The following RYR2 variants were observed in gnomAD, a reference collection of about 807,000 sequenced individuals.
The protein encoded by RYR2 is ryanodine receptor 2.
A neutral mutation model predicts 601.1 loss-of-function variants in RYR2; 227 were observed. That is an observed-to-expected ratio of 0.38 (90% CI 0.34 to 0.42). The LOEUF (loss-of-function observed/expected upper bound fraction) is 0.42. Ranked by LOEUF, RYR2 falls within the 10% of genes least tolerant of loss-of-function variation. The probability of loss-of-function intolerance (pLI) is 1.00; values close to 1 mark genes in which losing one functional copy is unlikely to be tolerated. For missense variants in RYR2, 4,646 were observed against 6,156.5 expected (o/e 0.75, Z 8.21); for synonymous variants, 2,223 against 2,175.1 (o/e 1.02, Z -0.61).
chr1:237,710,699 G>GTAGATAGATAGATAGATAGATAGA lies in RYR2; in HGVS notation c.10231-1028_10231-1027insGATAGATAGATAGATAGATAGATA, dbSNP rs56034841. 2.6e-3 allele frequency among the ~76,000 whole-genome samples: 388 copies of GTAGATAGATAGATAGATAGATAGA among 150,640 alleles called. 1 individual carries two copies. Among genetic ancestry groups the GTAGATAGATAGATAGATAGATAGA allele is most frequent in the African/African-American group, 7.0e-3 (286 of 40,778 alleles). ...GTAAAAAGATAAATAGATTAGGTAT[G>GTAGATAGATAGATAGATAGATAGA]TAGATAGATAGATAGATAATGCATG... On this transcript the variant is annotated intron_variant, in intron 70 of 104. Coordinates refer to ENST00000366574, the MANE Select transcript of RYR2 (RefSeq NM_001035.3).
At chr1:237,803,126 T>C (rs1660166268) in intron 98 of RYR2, among the ~76,000 whole-genome samples, 1 of 152,210 alleles carries the variant, frequency 6.6e-6, no homozygotes, top group South Asian at 2.1e-4. Context: ...AGCATAAGTA[T>C]GTCCCAAATT....
chr1:237,657,810 C>T (rs1683398979), intron 53 of RYR2, 134 bp from the exon 54 acceptor site: 1 of 518,468 alleles, frequency 1.9e-6, no homozygotes, highest in East Asian at 3.7e-5. Flanking sequence ...AAATGTAATT[C>T]TAAAAAAAGA....
intron 63 of RYR2, among the ~76,000 whole-genome samples, chr1:237,690,804 A>G (rs1686875955): frequency 6.6e-6 from 1 of 152,216 alleles, no homozygotes; most frequent in African/African-American, 2.4e-5. Context: ...CAGAGGTTGC[A>G]GTGAGCCAAC....
At chr1:237,698,105 A>AGT (rs3999833) in intron 63 of RYR2, among the ~76,000 whole-genome samples, 5,868 of 140,058 alleles carry the variant, frequency 0.042, 202 homozygotes, top group East Asian at 0.1. Flanking sequence ...AGGAGATGAT[A>AGT]GTGTGTGTGT....
rs901851219 is a variant in RYR2, at chr1:237,179,667, A to G, written c.49-90830A>G. The stretch of plus-strand genomic sequence containing the variant: ...TACCGTCTCTCTGTATCCAGAATGT[A>G]CATTCTTACCACCCATATACCAGCT... On this transcript the variant is annotated intron_variant, in intron 1 of 104. Coordinates refer to ENST00000366574, the MANE Select transcript of RYR2 (RefSeq NM_001035.3). Among the ~76,000 whole-genome samples, 21 of 152,106 alleles carry G rather than the reference A, an allele frequency of 1.4e-4. 1 individual carries two copies. Among genetic ancestry groups the G allele is most frequent in the African/African-American group, 4.6e-4 (19 of 41,372 alleles).
intron 3 of RYR2, among the ~76,000 whole-genome samples, chr1:237,333,870 A>G (rs1049937494): frequency 2.6e-5 from 4 of 152,208 alleles, no homozygotes; most frequent in Non-Finnish European, 5.9e-5. Flanking sequence ...TGAATTTTCA[A>G]GAAATCATTT....
intron 5 of RYR2, among the ~76,000 whole-genome samples, chr1:237,367,876 G>T (rs1002142644): frequency 1.3e-5 from 2 of 152,128 alleles, no homozygotes; most frequent in Admixed American, 1.3e-4. Context: ...TTTGACAGTT[G>T]TTTACTGAGT....
chr1:237,574,471 G>T (rs1673026396), intron 29 of RYR2, among the ~76,000 whole-genome samples: 1 of 152,138 alleles, frequency 6.6e-6, no homozygotes, highest in Admixed American at 6.6e-5. Context: ...GAATATGATG[G>T]GATATCACTC....
chr1:237,462,519 T>A (rs1475914695), intron 16 of RYR2, among the ~76,000 whole-genome samples: 1 of 152,212 alleles, frequency 6.6e-6, no homozygotes, highest in Non-Finnish European at 1.5e-5. Context: ...CAGAATGATT[T>A]TCTAAAGATG....
At chr1:237,322,671 C>G (rs1398320738) in intron 2 of RYR2, among the ~76,000 whole-genome samples, 3 of 152,056 alleles carry the variant, frequency 2.0e-5, no homozygotes, top group Non-Finnish European at 4.4e-5. Context: ...CTGCAGACGG[C>G]AAAGCTGAGA....
chr1:237,127,039 G>T (rs896647610), intron 1 of RYR2, among the ~76,000 whole-genome samples: 1 of 151,574 alleles, frequency 6.6e-6, no homozygotes, highest in East Asian at 1.9e-4. Context: ...ATCTTGCACC[G>T]CCCTTAATCC....
chr1:237,689,013 A>C (rs1289305267), intron 63 of RYR2, among the ~76,000 whole-genome samples: 1 of 152,196 alleles, frequency 6.6e-6, no homozygotes, highest in African/African-American at 2.4e-5. Flanking sequence ...CCTGTATCCC[A>C]GCACTTTGGG....
At chr1:237,644,801 G>A (rs1413179919) in intron 48 of RYR2, among the ~76,000 whole-genome samples, 6 of 152,074 alleles carry the variant, frequency 3.9e-5, no homozygotes, top group Non-Finnish European at 5.9e-5. Flanking sequence ...GGAGGCCAAG[G>A]CAGGTGGATC....
chr1:237,043,696 A>G (rs1356555161), intron 1 of RYR2, among the ~76,000 whole-genome samples: 2 of 152,090 alleles, frequency 1.3e-5, no homozygotes, highest in East Asian at 3.9e-4. Flanking sequence ...GACTTCCCCA[A>G]CCTAGAACTG....
In RYR2 at chr1:237,705,331, C is replaced by T. The variant is rs1484075889; in HGVS notation, c.9568C>T (p.Arg3190Ter). 1.2e-6 allele frequency: 2 copies of T among 1,604,082 alleles called. No homozygotes were observed. The highest frequency in any genetic ancestry group is 8.5e-7 in the Non-Finnish European group (1 of 1,174,440). Residue 3190 changes from arginine to a stop codon, truncating the protein, a stop_gained, in exon 67 of 105, where the codon CGA becomes TGA. Transcript: ENST00000366574. LOFTEE classifies it high-confidence loss of function. ...IYSIYNTKSS[R>*]ERAALSLPTN... Reference sequence around the variant, plus strand: ...CTCCATCTACAATACCAAGTCTTCACGAGAAAGAGCAGGTAACACAGAAAC... The same window carrying T: ...CTCCATCTACAATACCAAGTCTTCATGAGAAAGAGCAGGTAACACAGAAAC...
intron 1 of RYR2, among the ~76,000 whole-genome samples, chr1:237,202,882 G>GC (rs1480558977): frequency 6.6e-6 from 1 of 152,206 alleles, no homozygotes; most frequent in African/African-American, 2.4e-5. Flanking sequence ...ATTGGAACCA[G>GC]CAACGCAACA....
chr1:237,477,561 T>C (rs1661553448), intron 17 of RYR2, among the ~76,000 whole-genome samples: 1 of 152,214 alleles, frequency 6.6e-6, no homozygotes, highest in Non-Finnish European at 1.5e-5. Context: ...TTATTACCAT[T>C]GTCTGGTCTG....
chr1:237,234,543 T>C (rs1292160557), intron 1 of RYR2, among the ~76,000 whole-genome samples: 2 of 152,250 alleles, frequency 1.3e-5, no homozygotes, highest in Non-Finnish European at 2.9e-5. Context: ...CGTTTTTATA[T>C]ACTCCATGTT....
chr1:237,810,736 A>C (rs547236272), intron 100 of RYR2, among the ~76,000 whole-genome samples: 1 of 152,182 alleles, frequency 6.6e-6, no homozygotes, highest in African/African-American at 2.4e-5. Context: ...AGTTACGATA[A>C]ATCCATAACA....
Sources: allele counts gnomAD v4.1 joint callset (sites outside exome capture counted in the v4.1 genomes callset), GRCh38; gene constraint gnomAD v4.1.1; transcripts MANE v1.5; gene names NCBI Gene and HGNC (gene_info 2026-07-23, HGNC 2026-07-21).